Variants in KCNN2 observed in about 807,000 individuals in gnomAD.
The protein encoded by KCNN2 is potassium calcium-activated channel subfamily N member 2.
KCNN2 carries 24 observed loss-of-function variants against 55.5 expected under a neutral mutation model. The ratio of observed to expected loss-of-function variants is 0.43; its 90% CI spans 0.31 to 0.61. The LOEUF is 0.61. Among genes scored for constraint, KCNN2 ranks in the 20% least tolerant of loss-of-function variants. The pLI, the probability that KCNN2 is intolerant of heterozygous loss-of-function variation, is 0.08. For synonymous variants in KCNN2, 431 were observed against 336.1 expected, an observed-to-expected ratio of 1.28 and a Z score of -3.09; for missense variants, 754 against 853.6, an observed-to-expected ratio of 0.88 and a Z score of 1.45.
chr5:114,245,892 A>G (rs931497286), intron 2 of KCNN2, among the ~76,000 whole-genome samples: 1 of 152,188 alleles, frequency 6.6e-6, no homozygotes, highest in Non-Finnish European at 1.5e-5. Flanking sequence ...CCTCTACCTT[A>G]TCACCCAACT....
Position 114,089,424 on chromosome 5 carries a change from G to A in KCNN2, c.-271+32924G>A, listed in dbSNP as rs185661384. ...CACCAGCACTGGAATGTCTCCCAAC[G>A]CAGTGGGAGCGCCAGTTGTTCAGTG... On this transcript the variant is annotated intron_variant, in intron 1 of 10. Transcript: ENST00000512097. Among the ~76,000 whole-genome samples the A allele has an allele frequency of 3.8e-3, 577 of 152,222 alleles. 7 individuals carry two copies. The highest frequency in any genetic ancestry group is 0.014 in the African/African-American group (569 of 41,528).
chr5:114,378,463 T>C (rs1411206356), intron 2 of KCNN2, among the ~76,000 whole-genome samples: 1 of 152,220 alleles, frequency 6.6e-6, no homozygotes, highest in African/African-American at 2.4e-5. Flanking sequence ...AAGTGTGTGG[T>C]GGGCAGAGAT....
chr5:114,229,696 A>C (rs1044737664), intron 2 of KCNN2, among the ~76,000 whole-genome samples: 1 of 152,132 alleles, frequency 6.6e-6, no homozygotes, highest in Non-Finnish European at 1.5e-5. Context: ...TTTAAAGAAA[A>C]CAAAGGAAAC....
intron 1 of KCNN2, among the ~76,000 whole-genome samples, chr5:114,099,262 A>C (rs1347621612): frequency 6.6e-6 from 1 of 152,132 alleles, no homozygotes; most frequent in Non-Finnish European, 1.5e-5. Flanking sequence ...TCTCAGCGTG[A>C]TTATATATAT....
At chr5:114,307,117 C>A (rs1389900789) in intron 2 of KCNN2, among the ~76,000 whole-genome samples, 1 of 152,152 alleles carries the variant, frequency 6.6e-6, no homozygotes, top group Non-Finnish European at 1.5e-5. Flanking sequence ...GTGCAGTTAT[C>A]TGTAAGTGGC....
intron 2 of KCNN2, among the ~76,000 whole-genome samples, chr5:114,335,418 G>A (rs1416164817): frequency 6.6e-6 from 1 of 152,166 alleles, no homozygotes; most frequent in East Asian, 1.9e-4. Flanking sequence ...CTTTGCAGAG[G>A]GAAGCCTGCA....
chr5:114,145,904 C>T (rs182789776), intron 1 of KCNN2, among the ~76,000 whole-genome samples: 14 of 152,094 alleles, frequency 9.2e-5, no homozygotes, highest in African/African-American at 3.4e-4. Context: ...AAGGAGTTAG[C>T]GTGGTTATTT....
intron 2 of KCNN2, among the ~76,000 whole-genome samples, chr5:114,261,709 G>A (rs1264114529): frequency 6.6e-6 from 1 of 152,190 alleles, no homozygotes; most frequent in African/African-American, 2.4e-5. Flanking sequence ...GCCAAAGGCT[G>A]TCTACATTTA....
chr5:114,233,735 C>T lies in KCNN2; in HGVS notation c.-185+12170C>T, dbSNP rs548348906. ...CAATTAAGATTAACCACAATGAGAACACAATGAGACTTTGCAATTTGCTCC... is the reference window on the plus strand; with the variant it reads ...CAATTAAGATTAACCACAATGAGAATACAATGAGACTTTGCAATTTGCTCC... On this transcript the variant is annotated intron_variant, in intron 2 of 10. Transcript: ENST00000512097. 3.3e-5 allele frequency among the ~76,000 whole-genome samples: 5 copies of T among 152,298 alleles called. No individual in the cohort carries two copies. The East Asian group carries it at 9.6e-4, about 29-fold the overall frequency.
chr5:114,305,095 A>G (rs1756241706), intron 2 of KCNN2, among the ~76,000 whole-genome samples: 1 of 152,190 alleles, frequency 6.6e-6, no homozygotes, highest in Non-Finnish European at 1.5e-5. Context: ...ATAATAGGAG[A>G]CTATAAAGAT....
At chr5:114,418,081 G>A (rs1759361981) in intron 3 of KCNN2, among the ~76,000 whole-genome samples, 1 of 152,132 alleles carries the variant, frequency 6.6e-6, no homozygotes, top group African/African-American at 2.4e-5. Context: ...GACTTAAAGT[G>A]TTGAAATTTA....
chr5:114,203,260 T>C (rs1022933604), intron 1 of KCNN2, among the ~76,000 whole-genome samples: 1 of 152,214 alleles, frequency 6.6e-6, no homozygotes, highest in African/African-American at 2.4e-5. Context: ...TCAATTCTTA[T>C]AATACATTGA....
chr5:114,447,406 G>T (rs1760460296), intron 3 of KCNN2, among the ~76,000 whole-genome samples: 1 of 152,168 alleles, frequency 6.6e-6, no homozygotes, highest in Admixed American at 6.5e-5. Context: ...TTTAATAGAA[G>T]GAAATGTCTC....
At chr5:114,316,910 G>C (rs1451257486) in intron 2 of KCNN2, among the ~76,000 whole-genome samples, 1 of 152,184 alleles carries the variant, frequency 6.6e-6, no homozygotes, top group Admixed American at 6.5e-5. Context: ...GAACAGTCCA[G>C]GGTGTTCTTT....
intron 2 of KCNN2, among the ~76,000 whole-genome samples, chr5:114,332,589 G>A (rs957908727): frequency 6.6e-6 from 1 of 152,148 alleles, no homozygotes; most frequent in Non-Finnish European, 1.5e-5. Context: ...TTAAGATCTT[G>A]ATGTGGTCCT....
At chr5:114,161,071 C>T (rs1021974884) in intron 1 of KCNN2, among the ~76,000 whole-genome samples, 3 of 152,222 alleles carry the variant, frequency 2.0e-5, no homozygotes, top group East Asian at 3.9e-4. Context: ...TTATTTTGCT[C>T]GTTAGTTGAT....
chr5:114,246,828 G>T, intron 2 of KCNN2, among the ~76,000 whole-genome samples: 1 of 151,872 alleles, frequency 6.6e-6, no homozygotes, highest in East Asian at 1.9e-4. Flanking sequence ...TATTCCATTT[G>T]TTAATAATGC....
chr5:114,398,726 G>A (rs1758695859), intron 2 of KCNN2, among the ~76,000 whole-genome samples: 1 of 152,066 alleles, frequency 6.6e-6, no homozygotes, highest in African/African-American at 2.4e-5. Context: ...TTTGGGCAGT[G>A]TTTTGTAATT....
intron 1 of KCNN2, among the ~76,000 whole-genome samples, chr5:114,130,850 T>C (rs185865100): frequency 1.9e-3 from 292 of 152,306 alleles, no homozygotes; most frequent in Non-Finnish European, 2.5e-3. Context: ...CACATGCTTT[T>C]ATATAACGCC....
Sources: allele counts gnomAD v4.1 joint callset (sites outside exome capture counted in the v4.1 genomes callset), GRCh38; gene constraint gnomAD v4.1.1; transcripts MANE v1.5; gene names NCBI Gene and HGNC (gene_info 2026-07-23, HGNC 2026-07-21).